The following PLCB4 variants were observed in gnomAD, a reference collection of about 807,000 sequenced individuals.
The protein encoded by PLCB4 is 1-phosphatidylinositol 4,5-bisphosphate phosphodiesterase beta-4.
PLCB4 carries 77 observed loss-of-function variants against 178.8 expected under a neutral mutation model. The observed-to-expected ratio is 0.43, with a 90% CI of 0.36 to 0.52. The LOEUF (loss-of-function observed/expected upper bound fraction) is 0.52. Ranked by LOEUF, PLCB4 falls within the 20% of genes least tolerant of loss-of-function variation. PLCB4 has a pLI of 0.00. For missense variants in PLCB4, 1,024 were observed against 1,453.4 expected (o/e 0.70, Z 4.80); for synonymous variants, 496 against 490.8 (o/e 1.01, Z -0.14).
At chr20:9,383,365 G>A (rs185037312) in intron 13 of PLCB4, among the ~76,000 whole-genome samples, 2 of 152,310 alleles carry the variant, frequency 1.3e-5, no homozygotes, top group African/African-American at 2.4e-5. Context: ...CCACACTGGT[G>A]TAGGCCCGTG....
At chr20:9,383,048 T>A (rs1344128039) in intron 13 of PLCB4, among the ~76,000 whole-genome samples, 1 of 152,222 alleles carries the variant, frequency 6.6e-6, no homozygotes, top group African/African-American at 2.4e-5. Context: ...GAACAAGATC[T>A]ACCTACATAG....
intron 2 of PLCB4, among the ~76,000 whole-genome samples, chr20:9,100,678 T>C (rs933828285): frequency 6.6e-6 from 1 of 152,228 alleles, no homozygotes; most frequent in Admixed American, 6.5e-5. Context: ...ACATGCACCA[T>C]GTAATCAAAA....
intron 2 of PLCB4, among the ~76,000 whole-genome samples, chr20:9,203,056 A>AAATATAT (rs769628056): frequency 1.4e-4 from 18 of 126,148 alleles, no homozygotes; most frequent in African/African-American, 5.0e-4. Context: ...AAAAAAAAAA[A>AAATATAT]ATATATATAT....
At chr20:9,112,243 C>A in intron 2 of PLCB4, among the ~76,000 whole-genome samples, 1 of 149,552 alleles carries the variant, frequency 6.7e-6, no homozygotes, top group African/African-American at 2.4e-5. Flanking sequence ...CCTGTTGAAA[C>A]AAATACCCTA....
At chr20:9,475,172 A>G (rs565696342) in intron 38 of PLCB4, among the ~76,000 whole-genome samples, 1 of 152,346 alleles carries the variant, frequency 6.6e-6, no homozygotes, top group South Asian at 2.1e-4. Context: ...TAACTAAATT[A>G]AGAAACTACT....
intron 2 of PLCB4, among the ~76,000 whole-genome samples, chr20:9,202,319 A>G (rs73093818): frequency 0.022 from 3,301 of 152,284 alleles, 40 homozygotes; most frequent in Non-Finnish European, 0.031. Flanking sequence ...GGCTGTATGC[A>G]TTTGCCAAAC....
At chr20:9,295,023 C>T (rs1185838125) in intron 3 of PLCB4, among the ~76,000 whole-genome samples, 1 of 152,132 alleles carries the variant, frequency 6.6e-6, no homozygotes, top group Non-Finnish European at 1.5e-5. Flanking sequence ...TCATAGTCCC[C>T]ACTCTGGAAC....
Position 9,441,836 on chromosome 20 carries a change from A to C in PLCB4, c.2765-2145A>C, listed in dbSNP as rs371870055. On this transcript the variant is annotated intron_variant, in intron 30 of 39. Transcript: ENST00000378473. Reference sequence around the variant, plus strand: ...CGGCATTTGCTGCAGACCTCTATGAAGGTGGGGAGGTGTGAAATTCCAAAC... The same window carrying C: ...CGGCATTTGCTGCAGACCTCTATGACGGTGGGGAGGTGTGAAATTCCAAAC... Among the ~76,000 whole-genome samples, 20 of 152,182 alleles carry C rather than the reference A, an allele frequency of 1.3e-4. 1 individual carries two copies. The highest frequency in any genetic ancestry group is 4.8e-4 in the African/African-American group (20 of 41,538).
intron 3 of PLCB4, among the ~76,000 whole-genome samples, chr20:9,256,065 C>G (rs1003263196): frequency 4.6e-5 from 7 of 152,112 alleles, no homozygotes. Flanking sequence ...AAAGTCATCT[C>G]TATTATGGTC....
At chr20:9,400,092 C>CTTGTTGTTG (rs1025757435) in intron 19 of PLCB4, among the ~76,000 whole-genome samples, 4 of 152,058 alleles carry the variant, frequency 2.6e-5, no homozygotes, top group Non-Finnish European at 5.9e-5. Context: ...CAATTACCCA[C>CTTGTTGTTG]TTGTTGTTGT....
chr20:9,262,856 G>A (rs1193008099), intron 3 of PLCB4, among the ~76,000 whole-genome samples: 1 of 152,192 alleles, frequency 6.6e-6, no homozygotes, highest in South Asian at 2.1e-4. Flanking sequence ...AGAAAAAGGG[G>A]AACGTATTGA....
chr20:9,464,452 C>T (rs577281619), intron 35 of PLCB4, among the ~76,000 whole-genome samples: 18 of 151,812 alleles, frequency 1.2e-4, no homozygotes, highest in Admixed American at 2.0e-4. Flanking sequence ...AAAGAGATAG[C>T]GACACAAAAA....
At chr20:9,082,087 C>A (rs2090180158) in intron 1 of PLCB4, among the ~76,000 whole-genome samples, 1 of 146,182 alleles carries the variant, frequency 6.8e-6, no homozygotes, top group Non-Finnish European at 1.5e-5. Flanking sequence ...TTTTTCTTAA[C>A]AGTGTGTTAT....
chr20:9,339,357 A>G (rs1306057910), intron 7 of PLCB4, among the ~76,000 whole-genome samples: 1 of 152,092 alleles, frequency 6.6e-6, no homozygotes, highest in Non-Finnish European at 1.5e-5. Context: ...TGAGGTGGGG[A>G]CAAGATTCTC....
chr20:9,402,976 G>A (rs1326663572), intron 20 of PLCB4, among the ~76,000 whole-genome samples: 1 of 152,176 alleles, frequency 6.6e-6, no homozygotes, highest in Non-Finnish European at 1.5e-5. Context: ...CTTTGGGTAA[G>A]TTACTTAACC....
chr20:9,292,122 C>G (rs1234041462), intron 3 of PLCB4, among the ~76,000 whole-genome samples: 1 of 152,132 alleles, frequency 6.6e-6, no homozygotes, highest in Non-Finnish European at 1.5e-5. Flanking sequence ...AGCACTTTGC[C>G]CATTTTTGTG....
intron 2 of PLCB4, among the ~76,000 whole-genome samples, chr20:9,210,041 G>A (rs1319700276): frequency 6.6e-6 from 1 of 151,270 alleles, no homozygotes; most frequent in Admixed American, 6.6e-5. Flanking sequence ...ACAGAGCTAT[G>A]AGCTAATGAA....
At chr20:9,341,756 TG>T (rs35830626) in intron 7 of PLCB4, among the ~76,000 whole-genome samples, 2 of 148,062 alleles carry the variant, frequency 1.4e-5, no homozygotes, top group Admixed American at 6.8e-5. Flanking sequence ...GGGTTGGGGG[TG>T]GGGGGATGTA....
At chr20:9,228,070 T>A (rs1405166430) in intron 3 of PLCB4, among the ~76,000 whole-genome samples, 2 of 152,182 alleles carry the variant, frequency 1.3e-5, no homozygotes, top group Non-Finnish European at 2.9e-5. Context: ...GCGCACAGAC[T>A]GCTAAGTTAA....
Sources: gnomAD v4.1 joint callset for allele counts (sites outside exome capture counted in the v4.1 genomes callset) on GRCh38, gnomAD v4.1.1 for gene constraint, MANE v1.5 for transcripts, NCBI Gene and HGNC (gene_info 2026-07-23, HGNC 2026-07-21) for gene names.